Variants in TRAPPC9 observed in about 807,000 individuals in gnomAD.
TRAPPC9 encodes trafficking protein particle complex subunit 9, also known as IKK2 binding protein.
TRAPPC9 carries 83 observed loss-of-function variants against 124.0 expected under a neutral mutation model. The observed-to-expected ratio is 0.67, with a 90% CI of 0.56 to 0.80. The LOEUF (loss-of-function observed/expected upper bound fraction) is 0.80. TRAPPC9 is among the 30% of genes least tolerant of loss of function. The pLI, the probability that TRAPPC9 is intolerant of heterozygous loss-of-function variation, is 0.00. For missense variants in TRAPPC9, 1,302 were observed against 1,508.3 expected, an observed-to-expected ratio of 0.86 and a Z score of 2.27; for synonymous variants, 638 against 617.5, an observed-to-expected ratio of 1.03 and a Z score of -0.49.
At chr8:140,064,980 C>A (rs1369910078) in intron 17 of TRAPPC9, among the ~76,000 whole-genome samples, 1 of 152,230 alleles carries the variant, frequency 6.6e-6, no homozygotes, top group Non-Finnish European at 1.5e-5. Flanking sequence ...TACATTCACA[C>A]AACTGTCATC....
At position 140,411,602 on chromosome 8, in the gene TRAPPC9, A is replaced by G. The variant is rs139192910; in HGVS notation, c.887-5904T>C. 7.6e-3 allele frequency among the ~76,000 whole-genome samples: 1,162 copies of G among 152,284 alleles called. 16 individuals carry two copies. Among genetic ancestry groups the G allele is most frequent in the Middle Eastern group, 0.044 (13 of 294 alleles). On this transcript the variant is annotated intron_variant, in intron 5 of 22. Transcript: ENST00000438773. ...GGTGATCTGCCTGCCTCAAATTCCC[A>G]AAGTGCTGGGATTACAGGTATGAGC... is the stretch of plus-strand genomic sequence containing the variant.
intron 20 of TRAPPC9, among the ~76,000 whole-genome samples, chr8:139,896,935 C>T (rs936843082): frequency 5.3e-5 from 8 of 152,226 alleles, no homozygotes; most frequent in Non-Finnish European, 2.9e-5. Context: ...CCATTCTGCC[C>T]CTGCCTCTCA....
intron 17 of TRAPPC9, among the ~76,000 whole-genome samples, chr8:140,069,418 C>CTCTTG (rs1190278847): frequency 1.3e-5 from 2 of 152,156 alleles, no homozygotes; most frequent in Admixed American, 1.3e-4. Flanking sequence ...ATGGGTAAGG[C>CTCTTG]ACCAAGACGT....
chr8:139,875,359 G>A (rs1299848291), intron 21 of TRAPPC9, among the ~76,000 whole-genome samples: 2 of 152,154 alleles, frequency 1.3e-5, no homozygotes, highest in Non-Finnish European at 2.9e-5. Context: ...AGGAGACTGC[G>A]CCTGAAACAC....
chr8:140,374,794 G>A (rs1349508233), intron 7 of TRAPPC9, among the ~76,000 whole-genome samples: 1 of 152,128 alleles, frequency 6.6e-6, no homozygotes, highest in Non-Finnish European at 1.5e-5. Flanking sequence ...GCCGGGGAAG[G>A]TCACATGCCT....
intron 21 of TRAPPC9, among the ~76,000 whole-genome samples, chr8:139,883,777 C>CCTG (rs1488374894): frequency 2.0e-5 from 3 of 152,242 alleles, no homozygotes; most frequent in Non-Finnish European, 2.9e-5. Context: ...GAGGTTCATC[C>CCTG]CTGGCTGGTA....
chr8:140,374,233 G>C (rs144440705), intron 7 of TRAPPC9, among the ~76,000 whole-genome samples: 2 of 152,306 alleles, frequency 1.3e-5, no homozygotes, highest in African/African-American at 4.8e-5. Flanking sequence ...CCCAGTGCTG[G>C]AGGACAGCAG....
chr8:140,457,660 G>T lies in TRAPPC9; in HGVS notation c.-32C>A. 2.0e-6 allele frequency: 2 copies of T among 986,252 alleles called. No homozygotes were observed. The highest frequency in any genetic ancestry group is 2.4e-6 in the Non-Finnish European group (2 of 830,546). The allele number at this position is 986,252 out of a possible 1,614,324, so 61.1% of individuals were successfully genotyped here. ...TTACACAGCCGGTGGCCCCGGGCCC[G>T]GAGCGGGAGCCCACGACCTGGCGGG... On this transcript the variant is annotated 5_prime_UTR_variant, in exon 1 of 23. Transcript: ENST00000438773.
intron 21 of TRAPPC9, among the ~76,000 whole-genome samples, chr8:139,746,955 T>C (rs546633592): frequency 6.6e-6 from 1 of 152,310 alleles, no homozygotes; most frequent in East Asian, 1.9e-4. Flanking sequence ...CTTCTCTTTT[T>C]GGACAAGCAC....
intron 17 of TRAPPC9, among the ~76,000 whole-genome samples, chr8:140,204,393 T>A (rs1053274812): frequency 6.8e-6 from 1 of 147,690 alleles, no homozygotes; most frequent in Non-Finnish European, 1.5e-5. Flanking sequence ...AAACACTGCA[T>A]GTTCTCACTC....
intron 21 of TRAPPC9, among the ~76,000 whole-genome samples, chr8:139,857,906 A>C (rs1161106213): frequency 1.3e-5 from 2 of 152,328 alleles, no homozygotes; most frequent in East Asian, 3.9e-4. Flanking sequence ...CATCTCTAGC[A>C]CTTGTCTCCC....
chr8:140,133,736 T>G (rs1429825092), intron 17 of TRAPPC9, among the ~76,000 whole-genome samples: 1 of 152,098 alleles, frequency 6.6e-6, no homozygotes, highest in East Asian at 1.9e-4. Flanking sequence ...CACACAAAAA[T>G]CTGTTGTATT....
chr8:139,865,680 C>T (rs1828479780), intron 21 of TRAPPC9, among the ~76,000 whole-genome samples: 1 of 152,196 alleles, frequency 6.6e-6, no homozygotes, highest in Non-Finnish European at 1.5e-5. Flanking sequence ...CCTCCCCAAA[C>T]AACTCAGCCT....
At chr8:139,790,750 T>G (rs1038665649) in intron 21 of TRAPPC9, among the ~76,000 whole-genome samples, 1 of 152,146 alleles carries the variant, frequency 6.6e-6, no homozygotes, top group African/African-American at 2.4e-5. Context: ...GGTTGGATGT[T>G]TGTCTCCACC....
chr8:140,293,242 T>C lies in TRAPPC9; in HGVS notation c.1769-2164A>G, dbSNP rs1310990579. On this transcript the variant is annotated intron_variant, in intron 11 of 22. Coordinates refer to ENST00000438773, the MANE Select transcript of TRAPPC9 (RefSeq NM_001160372.4). ...AGGTGCTGGAGAGGATGTGGAGAAA[T>C]AGGAACACTTTTACACTTTTGGTGG... is the stretch of plus-strand genomic sequence containing the variant. Among the ~76,000 whole-genome samples the C allele has an allele frequency of 3.3e-5, 5 of 149,828 alleles. No homozygotes were observed. In the East Asian group the frequency reaches 7.7e-4, roughly 23 times the overall value.
At chr8:139,917,646 C>A (rs547012030) in intron 19 of TRAPPC9, among the ~76,000 whole-genome samples, 1 of 152,198 alleles carries the variant, frequency 6.6e-6, no homozygotes, top group African/African-American at 2.4e-5. Flanking sequence ...CAGGCTCGGT[C>A]GCCACCGCCT....
chr8:140,356,284 C>G (rs1165153115), intron 9 of TRAPPC9, among the ~76,000 whole-genome samples: 1 of 152,204 alleles, frequency 6.6e-6, no homozygotes, highest in South Asian at 2.1e-4. Flanking sequence ...CATGGACACA[C>G]GTGTAAACAT....
intron 9 of TRAPPC9, among the ~76,000 whole-genome samples, chr8:140,339,840 T>G (rs898308194): frequency 1.3e-5 from 2 of 152,180 alleles, no homozygotes; most frequent in Admixed American, 6.5e-5. Flanking sequence ...AACATACCAC[T>G]GAGATAAACT....
intron 21 of TRAPPC9, among the ~76,000 whole-genome samples, chr8:139,834,983 G>T (rs528692784): frequency 1.3e-5 from 2 of 152,298 alleles, no homozygotes; most frequent in South Asian, 4.1e-4. Context: ...TTTCATGCCG[G>T]TGCTGACTCG....
Sources: gnomAD v4.1 joint callset for allele counts (sites outside exome capture counted in the v4.1 genomes callset) on GRCh38, gnomAD v4.1.1 for gene constraint, MANE v1.5 for transcripts, NCBI Gene and HGNC (gene_info 2026-07-23, HGNC 2026-07-21) for gene names.